Variants in DNAH14 observed in about 807,000 individuals in gnomAD.
The protein encoded by DNAH14 is axonemal beta dynein heavy chain 14.
In DNAH14, 478 loss-of-function variants were observed where a neutral mutation model predicts 520.9. That is an observed-to-expected ratio of 0.92 (90% confidence interval 0.85 to 0.99). The LOEUF is 0.99. Ranked by LOEUF, DNAH14 falls within the 50% of genes least tolerant of loss-of-function variation. The probability of loss-of-function intolerance (pLI) is 0.00; values close to 1 mark genes in which losing one functional copy is unlikely to be tolerated. For synonymous variants in DNAH14, 1,581 were observed against 1,757.2 expected, an observed-to-expected ratio of 0.90 and a Z score of 2.51; for missense variants, 4,831 against 5,234.5, an observed-to-expected ratio of 0.92 and a Z score of 2.38.
At chr1:224,945,327 T>G (rs545067820) in intron 1 of DNAH14, among the ~76,000 whole-genome samples, 2 of 152,350 alleles carry the variant, frequency 1.3e-5, no homozygotes, top group South Asian at 4.1e-4. Context: ...TTATCGTGCC[T>G]TGGTTGTCAG....
chr1:225,198,073 G>A (rs1157684224), intron 38 of DNAH14, among the ~76,000 whole-genome samples: 2 of 152,070 alleles, frequency 1.3e-5, no homozygotes, highest in Non-Finnish European at 2.9e-5. Context: ...CCAGTACTAT[G>A]TTGAAGAGAA....
intron 25 of DNAH14, 89 bp downstream of exon 25, chr1:225,118,088 G>C (rs1321508853): frequency 1.4e-5 from 14 of 998,794 alleles, no homozygotes; most frequent in Non-Finnish European, 2.2e-5. Flanking sequence ...TTATAAAAGT[G>C]CGCTAAGCAA....
rs2093327933 is a variant in DNAH14 at position 225,272,027 on chromosome 1, C to G, written c.7793C>G (p.Thr2598Ser). ...CAAGTACGTCAGAATATGTTACCAA[C>G]TCCAACAAAATGTCACTACATGTTT... ...YHQVRQNMLP[T>S]PTKCHYMFNL... The change falls in exon 51 of 86, where the codon ACT becomes AGT. Residue 2598 changes from threonine (T) to serine (S), a missense_variant. Transcript: ENST00000682510. 1 of 1,550,564 alleles carries G rather than the reference C, an allele frequency of 6.4e-7. No homozygotes were observed. The highest frequency in any genetic ancestry group is 8.7e-7 in the Non-Finnish European group (1 of 1,146,556).
chr1:225,005,859 T>C (rs1375123337), intron 9 of DNAH14, among the ~76,000 whole-genome samples: 1 of 152,150 alleles, frequency 6.6e-6, no homozygotes, highest in Non-Finnish European at 1.5e-5. Flanking sequence ...CAGAGATTAA[T>C]TCATAGCATA....
At chr1:225,064,884 C>A (rs1275029875) in intron 17 of DNAH14, among the ~76,000 whole-genome samples, 1 of 151,820 alleles carries the variant, frequency 6.6e-6, no homozygotes, top group Admixed American at 6.6e-5. Context: ...TCAAAATAAA[C>A]AATTAGCATT....
At chr1:225,178,096 T>A (rs112706940) in intron 36 of DNAH14, among the ~76,000 whole-genome samples, 2,620 of 152,180 alleles carry the variant, frequency 0.017, 40 homozygotes, top group Non-Finnish European at 0.029. Context: ...AGACATGAAG[T>A]CAAAGGAGAT....
intron 60 of DNAH14, among the ~76,000 whole-genome samples, chr1:225,309,935 G>C (rs1226028131): frequency 6.6e-6 from 1 of 151,920 alleles, no homozygotes; most frequent in African/African-American, 2.4e-5. Context: ...TAAATGGCGA[G>C]TTAATGGGTG....
At chr1:225,345,121 G>A (rs1357061940) in intron 69 of DNAH14, among the ~76,000 whole-genome samples, 1 of 152,122 alleles carries the variant, frequency 6.6e-6, no homozygotes. Context: ...CCATGACTTA[G>A]GTCCAGACAT....
At chr1:225,004,220 ATTCT>A (rs2063990922) in intron 9 of DNAH14, among the ~76,000 whole-genome samples, 1 of 152,172 alleles carries the variant, frequency 6.6e-6, no homozygotes, top group Non-Finnish European at 1.5e-5. Flanking sequence ...GGAAGAAATA[ATTCT>A]TTATATATAA....
Position 225,079,607 on chromosome 1 carries a change from T to C in DNAH14, c.2766+59T>C. ...TATTAAAAACTTGATCTTAGTCTCG[T>C]AAGTCCAGGCATTTGGGTATTTGCT... On this transcript the variant is annotated intron_variant, in intron 18 of 85. Transcript: ENST00000682510. The C allele has an allele frequency of 6.8e-6, 9 of 1,321,196 alleles. No homozygotes were observed. The South Asian group carries it at 1.3e-4, about 19-fold the overall frequency. The allele number at this position is 1,321,196 out of a possible 1,614,324, so 81.8% of individuals were successfully genotyped here.
rs779352267 is a variant in DNAH14, at chr1:225,050,206, T to G, written c.1913-4T>G. 48 of 1,526,972 alleles carry G rather than the reference T, an allele frequency of 3.1e-5. No individual in the cohort carries two copies. The highest frequency in any genetic ancestry group is 4.2e-5 in the Non-Finnish European group (48 of 1,140,800). The allele number at this position is 1,526,972 out of a possible 1,614,324, so 94.6% of individuals were successfully genotyped here. A position where few individuals can be genotyped will look rare whatever the true frequency, so the allele number is the denominator to read the frequency against. On this transcript the variant is annotated splice_region_variant and splice_polypyrimidine_tract_variant and intron_variant, in intron 15 of 85. Coordinates refer to ENST00000682510, the MANE Select transcript of DNAH14 (RefSeq NM_001367479.1). ...AGTACTGACTTTTAAATTATATATT[T>G]TAGCCACAATTACTCCTCTTTGCCA...
At chr1:225,366,280 G>A (rs1306381121) in intron 76 of DNAH14, among the ~76,000 whole-genome samples, 1 of 152,178 alleles carries the variant, frequency 6.6e-6, no homozygotes, top group East Asian at 1.9e-4. Context: ...TATAGAGATA[G>A]TGTTTATAAA....
At chr1:225,164,371 T>C (rs2081838608) in intron 35 of DNAH14, among the ~76,000 whole-genome samples, 1 of 152,188 alleles carries the variant, frequency 6.6e-6, no homozygotes, top group Non-Finnish European at 1.5e-5. Flanking sequence ...TCCATCCTTT[T>C]GTTTTTCAAA....
chr1:224,936,644 A>G (rs1331608772), intron 1 of DNAH14, among the ~76,000 whole-genome samples: 2 of 151,942 alleles, frequency 1.3e-5, no homozygotes, highest in Non-Finnish European at 2.9e-5. Flanking sequence ...AAACATTTAA[A>G]GAATAACTAA....
At chr1:225,155,396 A>T (rs2080927527) in intron 34 of DNAH14, among the ~76,000 whole-genome samples, 3 of 152,102 alleles carry the variant, frequency 2.0e-5, no homozygotes, top group Non-Finnish European at 4.4e-5. Flanking sequence ...AGCTATAATT[A>T]TTTATTTCTT....
intron 68 of DNAH14, among the ~76,000 whole-genome samples, chr1:225,339,993 C>T (rs936091511): frequency 5.3e-5 from 8 of 152,092 alleles, no homozygotes; most frequent in African/African-American, 1.7e-4. Flanking sequence ...TATGGGTGCA[C>T]GGAAATTTCA....
chr1:224,963,512 CTG>C (rs1229549273), intron 4 of DNAH14, among the ~76,000 whole-genome samples: 2 of 152,018 alleles, frequency 1.3e-5, no homozygotes, highest in African/African-American at 4.8e-5. Flanking sequence ...AATAATCGCT[CTG>C]TTGATTTGAA....
In DNAH14 at chr1:225,240,715, G is replaced by A; in HGVS notation, c.6641G>A (p.Arg2214Lys). ...GGALNREDEHRENIPFCPSLE... is the reference protein window; with the variant it reads ...GGALNREDEHKENIPFCPSLE... Reference sequence around the variant, plus strand: ...GCTTTAAACCGTGAAGATGAACACAGAGAAAATATACCATTTTGTCCCAGT... The same window carrying A: ...GCTTTAAACCGTGAAGATGAACACAAAGAAAATATACCATTTTGTCCCAGT... Residue 2214 changes from arginine (R) to lysine (K), a missense_variant, in exon 43 of 86, where the codon AGA becomes AAA. Arg to Lys is a conservative substitution (Grantham distance 26). Transcript: ENST00000682510. 4 of 1,550,992 alleles carry A rather than the reference G, an allele frequency of 2.6e-6. No individual in the cohort carries two copies. Among genetic ancestry groups the A allele is most frequent in the Non-Finnish European group, 3.5e-6 (4 of 1,146,558 alleles).
chr1:225,379,154 C>A (rs2095746871), intron 79 of DNAH14, among the ~76,000 whole-genome samples: 1 of 152,204 alleles, frequency 6.6e-6, no homozygotes, highest in African/African-American at 2.4e-5. Context: ...TTAAGAAGCC[C>A]TTCGTGTCAA....
Sources: allele counts gnomAD v4.1 joint callset (sites outside exome capture counted in the v4.1 genomes callset), GRCh38; gene constraint gnomAD v4.1.1; transcripts MANE v1.5; gene names NCBI Gene and HGNC (gene_info 2026-07-23, HGNC 2026-07-21).